Variants in LIN9 observed in about 807,000 individuals in gnomAD.
LIN9 encodes lin-9 DREAM MuvB core complex component, also known as protein lin-9 homolog.
LIN9 carries 18 observed loss-of-function variants against 78.0 expected under a neutral mutation model. That is an observed-to-expected ratio of 0.23 (90% confidence interval 0.16 to 0.34). The LOEUF (loss-of-function observed/expected upper bound fraction) is 0.34, where lower values mean the gene tolerates loss of function less well. Ranked by LOEUF, LIN9 falls within the 10% of genes least tolerant of loss-of-function variation. LIN9 has a pLI of 1.00. For synonymous variants in LIN9, 192 were observed against 215.2 expected (o/e 0.89, Z 0.94); for missense variants, 451 against 644.1 (o/e 0.70, Z 3.25).
chr1:226,303,395 GAAT>G (rs1662687126), intron 1 of LIN9, among the ~76,000 whole-genome samples: 1 of 152,052 alleles, frequency 6.6e-6, no homozygotes, highest in Non-Finnish European at 1.5e-5. Context: ...AGAAGAAGAA[GAAT>G]ACGCAGGGTG....
At chr1:226,308,638 A>T (rs549725394) in intron 1 of LIN9, 2 of 152,624 alleles carry the variant, frequency 1.3e-5, no homozygotes, top group South Asian at 4.1e-4. Flanking sequence ...ACAAGATCAG[A>T]GGCTGGGGCA....
intron 11 of LIN9, 85 bp downstream of exon 11, chr1:226,250,754 G>A: frequency 1.4e-6 from 1 of 698,520 alleles, no homozygotes; most frequent in Non-Finnish European, 2.4e-6. Context: ...TCCTTCCATA[G>A]ATATTTTTAA....
chr1:226,262,088 C>T (rs1358900347), intron 10 of LIN9, among the ~76,000 whole-genome samples: 1 of 151,988 alleles, frequency 6.6e-6, no homozygotes, highest in Non-Finnish European at 1.5e-5. Flanking sequence ...AAACAAACAA[C>T]AAAAAAATGA....
chr1:226,305,088 T>C (rs1662817575), intron 1 of LIN9, among the ~76,000 whole-genome samples: 1 of 151,736 alleles, frequency 6.6e-6, no homozygotes, highest in Admixed American at 6.6e-5. Context: ...GAGAATTGCT[T>C]GAACTCTAGA....
chr1:226,273,256 A>ATTTTTTTTTTTTTTTTTTTTTTTTTTTT (rs34679926), intron 7 of LIN9, among the ~76,000 whole-genome samples: 1 of 87,270 alleles, frequency 1.1e-5, no homozygotes, highest in Non-Finnish European at 2.2e-5. Context: ...TAATTAGGTA[A>ATTTTTTTTTTTTTTTTTTTTTTTTTTTT]TTTTTTTTTT....
chr1:226,264,559 A>C (rs1363105704), intron 10 of LIN9, among the ~76,000 whole-genome samples: 1 of 152,044 alleles, frequency 6.6e-6, no homozygotes, highest in Non-Finnish European at 1.5e-5. Flanking sequence ...TATAAAGATC[A>C]TATCAGCCAG....
intron 8 of LIN9, 123 bp downstream of exon 8, chr1:226,267,834 C>T: frequency 9.4e-7 from 1 of 1,067,806 alleles, no homozygotes; most frequent in Non-Finnish European, 1.3e-6. Flanking sequence ...CTGGGGTCCC[C>T]TAAGGATCTC....
chr1:226,288,350 G>A (rs1233150232), intron 4 of LIN9, among the ~76,000 whole-genome samples: 2 of 152,054 alleles, frequency 1.3e-5, no homozygotes, highest in African/African-American at 4.8e-5. Context: ...ATTAAAAGAC[G>A]ATGAGAACGA....
chr1:226,304,735 G>A (rs531037298), intron 1 of LIN9, among the ~76,000 whole-genome samples: 14 of 152,290 alleles, frequency 9.2e-5, no homozygotes, highest in African/African-American at 3.1e-4. Flanking sequence ...GCATAGGGAA[G>A]AATGGTATGA....
chr1:226,238,855 G>T, intron 12 of LIN9, 116 bp downstream of exon 12: 1 of 979,712 alleles, frequency 1.0e-6, no homozygotes, highest in Non-Finnish European at 1.5e-6. Flanking sequence ...ATATAATACA[G>T]TTCTGCTAAA....
At position 226,309,125 on chromosome 1, in the gene LIN9, G is replaced by C. The variant is rs774954239; in HGVS notation, c.15C>G (p.Asp5Glu). Reference protein sequence around the residue: MAELDQLPDESSSAK... With the variant: MAELEQLPDESSSAK... Reference sequence around the variant, plus strand: ...GCTACTCACTCTCGTCAGGCAACTGGTCGAGCTCCGCCATCTTGAACGAGC... The same window carrying C: ...GCTACTCACTCTCGTCAGGCAACTGCTCGAGCTCCGCCATCTTGAACGAGC... Residue 5 changes from aspartate to glutamate, a missense_variant, in exon 1 of 15, where the codon GAC becomes GAG. Transcript: ENST00000681046. 7.4e-7 allele frequency: 1 copy of C among 1,344,152 alleles called. No individual in the cohort carries two copies. The highest frequency in any genetic ancestry group is 9.7e-7 in the Non-Finnish European group (1 of 1,035,146). The allele number at this position is 1,344,152 out of a possible 1,614,324, so 83.3% of individuals were successfully genotyped here. A position where few individuals can be genotyped will look rare whatever the true frequency, so the allele number is the denominator to read the frequency against.
intron 7 of LIN9, among the ~76,000 whole-genome samples, chr1:226,272,323 T>G (rs1442630817): frequency 6.6e-6 from 1 of 151,866 alleles, no homozygotes; most frequent in Non-Finnish European, 1.5e-5. Flanking sequence ...GCCAAAGTGC[T>G]GGGATTACAG....
At chr1:226,263,141 T>G (rs1033511591) in intron 10 of LIN9, among the ~76,000 whole-genome samples, 8 of 152,040 alleles carry the variant, frequency 5.3e-5, no homozygotes, top group Admixed American at 2.0e-4. Flanking sequence ...GGGGAAGAGA[T>G]AAAAAGGTGA....
At chr1:226,280,940 C>G (rs1395259079) in intron 6 of LIN9, among the ~76,000 whole-genome samples, 1 of 152,140 alleles carries the variant, frequency 6.6e-6, no homozygotes, top group Non-Finnish European at 1.5e-5. Context: ...AAAAGGAAAT[C>G]AGTATATCAA....
chr1:226,279,317 A>G (rs1462797626), intron 6 of LIN9, among the ~76,000 whole-genome samples: 1 of 151,326 alleles, frequency 6.6e-6, no homozygotes, highest in African/African-American at 2.4e-5. Context: ...AAATAAAAAA[A>G]TTAGCTAGGC....
intron 8 of LIN9, among the ~76,000 whole-genome samples, chr1:226,267,307 A>G (rs60835797): frequency 1.7e-5 from 1 of 57,754 alleles, no homozygotes; most frequent in Non-Finnish European, 3.4e-5. Context: ...GTGTGTATAT[A>G]TATTATGTAT....
At chr1:226,259,600 T>C (rs1022315080) in intron 10 of LIN9, among the ~76,000 whole-genome samples, 4 of 152,164 alleles carry the variant, frequency 2.6e-5, no homozygotes, top group African/African-American at 9.7e-5. Context: ...ATGTATGCTC[T>C]TACACCACAA....
chr1:226,237,105 A>T (rs1359650768), intron 12 of LIN9, among the ~76,000 whole-genome samples: 3 of 152,004 alleles, frequency 2.0e-5, no homozygotes. Flanking sequence ...AGATTAAATC[A>T]CTTTACTTCA....
rs34679926 is a variant in LIN9, at chr1:226,273,256, A to ATTT, written c.682+4516_682+4518dup. On this transcript the variant is annotated intron_variant, in intron 7 of 14. Coordinates refer to ENST00000681046, the MANE Select transcript of LIN9 (RefSeq NM_001366245.2). ...GCCATCTTTTTTTTTTAATTAGGTAATTTTTTTTTTTTTTTTTTTTTTGAG... is the reference window on the plus strand; with the variant it reads ...GCCATCTTTTTTTTTTAATTAGGTAATTTTTTTTTTTTTTTTTTTTTTTTTGAG... Among the ~76,000 whole-genome samples, 572 of 87,110 alleles carry ATTT rather than the reference A, an allele frequency of 6.6e-3. 1 individual carries two copies. Among genetic ancestry groups the ATTT allele is most frequent in the African/African-American group, 8.2e-3 (174 of 21,128 alleles). 57.1% of individuals were successfully genotyped at this position (87,110 alleles called of 152,430 possible). A position where few individuals can be genotyped will look rare whatever the true frequency, so the allele number is the denominator to read the frequency against.
Sources: gnomAD v4.1 joint callset for allele counts (sites outside exome capture counted in the v4.1 genomes callset) on GRCh38, gnomAD v4.1.1 for gene constraint, MANE v1.5 for transcripts, NCBI Gene and HGNC (gene_info 2026-07-23, HGNC 2026-07-21) for gene names.